Variants in WDR70 observed in about 807,000 individuals in gnomAD.
WDR70 encodes the protein WD repeat domain 70.
Under a neutral mutation model 88.6 loss-of-function variants are expected in WDR70, and 53 were observed. The ratio of observed to expected loss-of-function variants is 0.60; its 90% CI spans 0.48 to 0.75. The LOEUF (loss-of-function observed/expected upper bound fraction) is 0.75, where lower values mean the gene tolerates loss of function less well. Ranked by LOEUF, WDR70 falls within the 30% of genes least tolerant of loss-of-function variation. WDR70 has a pLI of 0.00. For synonymous variants in WDR70, 280 were observed against 270.0 expected (o/e 1.04, Z -0.36); for missense variants, 610 against 823.2 (o/e 0.74, Z 3.17).
intron 7 of WDR70, among the ~76,000 whole-genome samples, chr5:37,456,563 T>C (rs1039603986): frequency 3.3e-5 from 5 of 152,206 alleles, no homozygotes; most frequent in Admixed American, 2.6e-4. Context: ...TTTTGTAATA[T>C]ATAATTTATG....
chr5:37,442,118 A>G (rs1203849044), intron 6 of WDR70, among the ~76,000 whole-genome samples: 1 of 149,254 alleles, frequency 6.7e-6, no homozygotes, highest in East Asian at 2.0e-4. Context: ...GCTCATTGCA[A>G]CCTCTGCCTC....
intron 9 of WDR70, among the ~76,000 whole-genome samples, chr5:37,602,499 C>T (rs1166013359): frequency 4.6e-5 from 7 of 151,518 alleles, no homozygotes; most frequent in Middle Eastern, 6.8e-3. Context: ...CCCAGCTACT[C>T]GGGAAGCTGA....
intron 8 of WDR70, among the ~76,000 whole-genome samples, chr5:37,499,736 A>G (rs1740348999): frequency 6.6e-6 from 1 of 151,242 alleles, no homozygotes; most frequent in South Asian, 2.1e-4. Context: ...TGTATTTTTT[A>G]TAGATACGGG....
At chr5:37,730,858 G>A (rs1229904739) in intron 17 of WDR70, among the ~76,000 whole-genome samples, 1 of 151,992 alleles carries the variant, frequency 6.6e-6, no homozygotes, top group African/African-American at 2.4e-5. Context: ...TCATTATTCG[G>A]CGCTATTTGC....
intron 5 of WDR70, among the ~76,000 whole-genome samples, chr5:37,417,821 A>G (rs535021280): frequency 1.3e-5 from 2 of 152,320 alleles, no homozygotes; most frequent in African/African-American, 2.4e-5. Context: ...TCCTGGGATT[A>G]TAGACATGAA....
intron 9 of WDR70, among the ~76,000 whole-genome samples, chr5:37,603,904 T>C (rs890896351): frequency 1.3e-5 from 2 of 152,224 alleles, no homozygotes; most frequent in Non-Finnish European, 2.9e-5. Flanking sequence ...TCAAATATAG[T>C]ATAAAACAAC....
chr5:37,521,916 A>G (rs929645057), intron 9 of WDR70, among the ~76,000 whole-genome samples: 37 of 152,202 alleles, frequency 2.4e-4, no homozygotes, highest in Non-Finnish European at 4.6e-4. Context: ...ATCAAATGGT[A>G]CATCTACTTT....
At chr5:37,674,527 C>A (rs1746137620) in intron 10 of WDR70, among the ~76,000 whole-genome samples, 1 of 152,112 alleles carries the variant, frequency 6.6e-6, no homozygotes, top group South Asian at 2.1e-4. Context: ...ATGATGATTT[C>A]CAATTTCATC....
At chr5:37,669,879 G>A (rs1182344655) in intron 10 of WDR70, among the ~76,000 whole-genome samples, 1 of 152,290 alleles carries the variant, frequency 6.6e-6, no homozygotes, top group Non-Finnish European at 1.5e-5. Context: ...CAACATGGAC[G>A]AACCTCAAAA....
At chr5:37,664,927 T>A (rs1025804000) in intron 10 of WDR70, among the ~76,000 whole-genome samples, 5 of 152,250 alleles carry the variant, frequency 3.3e-5, no homozygotes, top group Non-Finnish European at 7.3e-5. Flanking sequence ...GGATGCTGTG[T>A]CATACAGTTT....
chr5:37,538,269 A>G (rs1160492598), intron 9 of WDR70, among the ~76,000 whole-genome samples: 2 of 152,164 alleles, frequency 1.3e-5, no homozygotes, highest in African/African-American at 4.8e-5. Flanking sequence ...GAAGCTACAT[A>G]TTTTGAATAC....
At chr5:37,547,932 ATAAT>A (rs1362337374) in intron 9 of WDR70, among the ~76,000 whole-genome samples, 1 of 152,206 alleles carries the variant, frequency 6.6e-6, no homozygotes, top group African/African-American at 2.4e-5. Flanking sequence ...TTAATTTAAC[ATAAT>A]TAACCCCAGT....
At chr5:37,511,001 T>C (rs908041196) in intron 8 of WDR70, among the ~76,000 whole-genome samples, 4 of 152,212 alleles carry the variant, frequency 2.6e-5, no homozygotes, top group African/African-American at 9.7e-5. Context: ...TTAACCTAGA[T>C]CACTTGTTTA....
At chr5:37,600,399 C>T (rs546122531) in intron 9 of WDR70, among the ~76,000 whole-genome samples, 37 of 151,964 alleles carry the variant, frequency 2.4e-4, no homozygotes, top group East Asian at 7.8e-4. Context: ...TGGTGGCGGG[C>T]GCCTGTAGTC....
At chr5:37,662,837 G>T (rs144280425) in intron 10 of WDR70, among the ~76,000 whole-genome samples, 1 of 152,236 alleles carries the variant, frequency 6.6e-6, no homozygotes, top group Non-Finnish European at 1.5e-5. Flanking sequence ...CTTGGTTAAT[G>T]ATTGTTTTTA....
intron 10 of WDR70, among the ~76,000 whole-genome samples, chr5:37,648,587 T>C (rs1745307720): frequency 1.3e-5 from 2 of 151,624 alleles, no homozygotes; most frequent in African/African-American, 4.9e-5. Flanking sequence ...CCAACAAACA[T>C]GGTTTTTACC....
At chr5:37,539,096 T>G (rs1374436964) in intron 9 of WDR70, among the ~76,000 whole-genome samples, 2 of 152,192 alleles carry the variant, frequency 1.3e-5, no homozygotes, top group African/African-American at 4.8e-5. Context: ...TACTCAGGAA[T>G]TTTTATCTCC....
At chr5:37,720,075 A>G (rs536510311) in intron 13 of WDR70, among the ~76,000 whole-genome samples, 2 of 152,294 alleles carry the variant, frequency 1.3e-5, no homozygotes, top group Admixed American at 6.5e-5. Context: ...AAAAGAGTGG[A>G]ATGAGTAGAG....
intron 9 of WDR70, among the ~76,000 whole-genome samples, chr5:37,564,312 T>A (rs1581398103): frequency 6.6e-6 from 1 of 152,274 alleles, no homozygotes. Flanking sequence ...TCACTCGTGG[T>A]TAGGAGCTGG....
Sources: allele counts gnomAD v4.1 joint callset (sites outside exome capture counted in the v4.1 genomes callset), GRCh38; gene constraint gnomAD v4.1.1; transcripts MANE v1.5; gene names NCBI Gene and HGNC (gene_info 2026-07-23, HGNC 2026-07-21).